SYN2: variants seen among roughly 807,000 people sequenced by gnomAD.
SYN2 encodes synapsin-2.
In SYN2, 19 loss-of-function variants were observed where a neutral mutation model predicts 50.9. The observed-to-expected ratio is 0.37, with a 90% CI of 0.26 to 0.55. The LOEUF (loss-of-function observed/expected upper bound fraction) is 0.55. SYN2 is among the 20% of genes least tolerant of loss of function. SYN2 has a pLI of 0.81. For missense variants in SYN2, 587 were observed against 576.4 expected (o/e 1.02, Z -0.19); for synonymous variants, 255 against 224.9 (o/e 1.13, Z -1.20).
At position 12,190,579 on chromosome 3, in the gene SYN2, C is replaced by T. The variant is rs746414850; in HGVS notation, c.1703C>T (p.Thr568Ile). 2 of 1,613,156 alleles carry T rather than the reference C, an allele frequency of 1.2e-6. No individual in the cohort carries two copies. Among genetic ancestry groups the T allele is most frequent in the Non-Finnish European group, 1.7e-6 (2 of 1,179,492 alleles). The change falls in exon 13 of 13, where the codon ACC (threonine) becomes ATC (isoleucine). Residue 568 changes from threonine (T) to isoleucine (I), a missense_variant. Physicochemically the swap from Thr to Ile is moderately conservative, Grantham distance 89 (BLOSUM62 -1). Coordinates refer to ENST00000621198, the MANE Select transcript of SYN2 (RefSeq NM_133625.6). ...AATGAGGATGAAGCCAAAGCAGAGA[C>T]CATCCGGAGCTTGAGGAAGTCCTTT... Reference protein sequence around the residue: ...SANEDEAKAETIRSLRKSFAS... With the variant: ...SANEDEAKAEIIRSLRKSFAS...
chr3:12,156,048 G>T (rs1574866576), intron 5 of SYN2, among the ~76,000 whole-genome samples: 2 of 152,220 alleles, frequency 1.3e-5, no homozygotes, highest in East Asian at 3.9e-4. Context: ...TAAGGACTGT[G>T]CCTTGTTACT....
intron 6 of SYN2, 79 bp downstream of exon 6, chr3:12,161,687 T>G: frequency 1.4e-6 from 2 of 1,470,810 alleles, no homozygotes; most frequent in East Asian, 2.3e-5. Flanking sequence ...TGAACTGCTA[T>G]TCTCCCTCTG....
chr3:12,187,313 A>G, intron 11 of SYN2, 56 bp from the exon 12 acceptor site: 1 of 1,472,704 alleles, frequency 6.8e-7, no homozygotes, highest in Non-Finnish European at 9.0e-7. Context: ...ATAAATTCTA[A>G]TAAGGAAACA....
intron 1 of SYN2, among the ~76,000 whole-genome samples, chr3:12,069,493 C>T (rs1003322568): frequency 1.2e-4 from 18 of 152,132 alleles, no homozygotes; most frequent in Admixed American, 4.6e-4. Context: ...GTGATCTGCC[C>T]GCCTCAGCCT....
At chr3:12,159,664 G>A (rs1171038492) in intron 5 of SYN2, among the ~76,000 whole-genome samples, 4 of 152,102 alleles carry the variant, frequency 2.6e-5, no homozygotes, top group African/African-American at 4.8e-5. Flanking sequence ...AAGCCCTCTC[G>A]AGGCCCTAGA....
chr3:12,079,265 TC>T (rs1272883000), intron 1 of SYN2, among the ~76,000 whole-genome samples: 2 of 152,192 alleles, frequency 1.3e-5, no homozygotes, highest in African/African-American at 2.4e-5. Flanking sequence ...CAATTTGAGT[TC>T]CTCTCTTCCC....
chr3:12,089,114 A>C (rs1695773279), intron 1 of SYN2, among the ~76,000 whole-genome samples: 1 of 152,246 alleles, frequency 6.6e-6, no homozygotes, highest in Non-Finnish European at 1.5e-5. Flanking sequence ...TCAAGACATC[A>C]CATTGTATTC....
At chr3:12,017,805 A>C (rs1694054986) in intron 1 of SYN2, among the ~76,000 whole-genome samples, 1 of 152,198 alleles carries the variant, frequency 6.6e-6, no homozygotes, top group African/African-American at 2.4e-5. Flanking sequence ...TTTTCATGAC[A>C]CTAAAAAATG....
intron 1 of SYN2, among the ~76,000 whole-genome samples, chr3:12,025,996 A>T (rs1453068064): frequency 3.9e-5 from 6 of 152,234 alleles, no homozygotes; most frequent in Non-Finnish European, 8.8e-5. Context: ...GAAGGCAGGA[A>T]TGCCATGTGA....
chr3:12,128,209 T>C (rs1393930715), intron 1 of SYN2, among the ~76,000 whole-genome samples: 1 of 152,192 alleles, frequency 6.6e-6, no homozygotes, highest in Non-Finnish European at 1.5e-5. Flanking sequence ...TCTCCACAAG[T>C]GCTGGGATTA....
At chr3:12,042,121 C>T (rs1694631151) in intron 1 of SYN2, among the ~76,000 whole-genome samples, 1 of 152,146 alleles carries the variant, frequency 6.6e-6, no homozygotes, top group African/African-American at 2.4e-5. Context: ...GTTTGCTTCT[C>T]TTATTTCCCC....
chr3:12,156,865 C>T, intron 5 of SYN2: 2 of 1,614,154 alleles, frequency 1.2e-6, no homozygotes, highest in Non-Finnish European at 1.7e-6. Context: ...AGTTTCACAC[C>T]ACAGAGGGAA....
chr3:12,146,732 G>T (rs1204732806), intron 4 of SYN2, among the ~76,000 whole-genome samples: 2 of 152,106 alleles, frequency 1.3e-5, no homozygotes, highest in East Asian at 1.9e-4. Flanking sequence ...CTTTTAGGCA[G>T]ATAGAAAAAG....
chr3:12,116,970 C>T (rs1420243506), intron 1 of SYN2, among the ~76,000 whole-genome samples: 1 of 151,970 alleles, frequency 6.6e-6, no homozygotes, highest in Non-Finnish European at 1.5e-5. Context: ...AGGCTGGTCT[C>T]GAACTCCTCA....
At chr3:12,018,547 A>T (rs1694067727) in intron 1 of SYN2, among the ~76,000 whole-genome samples, 1 of 152,106 alleles carries the variant, frequency 6.6e-6, no homozygotes, top group Admixed American at 6.6e-5. Context: ...TAGCTTAATG[A>T]TTTCCCTTTG....
intron 1 of SYN2, among the ~76,000 whole-genome samples, chr3:12,066,611 A>AT (rs1428693994): frequency 1.3e-5 from 2 of 152,138 alleles, no homozygotes; most frequent in Non-Finnish European, 2.9e-5. Context: ...TTACCCTTAC[A>AT]TTTGTGTACT....
chr3:12,149,767 G>A (rs577996788), intron 4 of SYN2, among the ~76,000 whole-genome samples: 2 of 152,156 alleles, frequency 1.3e-5, no homozygotes, highest in East Asian at 1.9e-4. Context: ...AGGAATTCCA[G>A]TGTTTTCCAG....
At chr3:12,134,943 A>C (rs1384398001) in intron 1 of SYN2, among the ~76,000 whole-genome samples, 1 of 152,208 alleles carries the variant, frequency 6.6e-6, no homozygotes, top group Non-Finnish European at 1.5e-5. Context: ...TTATAGTTCC[A>C]GCACCTACCA....
At chr3:12,014,454 A>G (rs1217195104) in intron 1 of SYN2, among the ~76,000 whole-genome samples, 1 of 152,224 alleles carries the variant, frequency 6.6e-6, no homozygotes, top group Non-Finnish European at 1.5e-5. Flanking sequence ...ATTTTCAACC[A>G]TACCACATCA....
Sources: gnomAD v4.1 joint callset for allele counts (sites outside exome capture counted in the v4.1 genomes callset) on GRCh38, gnomAD v4.1.1 for gene constraint, MANE v1.5 for transcripts, NCBI Gene and HGNC (gene_info 2026-07-23, HGNC 2026-07-21) for gene names.